ENTREP2: variants seen among roughly 807,000 people sequenced by gnomAD.
ENTREP2 encodes the protein protein ENTREP2.
chr15:29,429,695 T>A, the ENTREP2 span, among the ~76,000 whole-genome samples: 1 of 152,198 alleles, frequency 6.6e-6, no homozygotes, highest in Non-Finnish European at 1.5e-5. Flanking sequence ...AATTCGTCTG[T>A]GGTTGAAATC....
At chr15:29,533,832 G>A in the ENTREP2 span, among the ~76,000 whole-genome samples, 1 of 152,068 alleles carries the variant, frequency 6.6e-6, no homozygotes, top group African/African-American at 2.4e-5. Context: ...TGGAAAGGAA[G>A]AAGGGAAATA....
chr15:29,370,116 A>G, the ENTREP2 span, among the ~76,000 whole-genome samples: 1 of 152,252 alleles, frequency 6.6e-6, no homozygotes, highest in Non-Finnish European at 1.5e-5. Context: ...ACAGAAAACA[A>G]ATAGCATACT....
At chr15:29,314,311 G>A in the ENTREP2 span, among the ~76,000 whole-genome samples, 30 of 152,248 alleles carry the variant, frequency 2.0e-4, no homozygotes, top group African/African-American at 7.0e-4. Context: ...TGCATGCTAC[G>A]GACAAATCTT....
the ENTREP2 span, among the ~76,000 whole-genome samples, chr15:29,566,150 T>A: frequency 6.6e-6 from 1 of 151,770 alleles, no homozygotes; most frequent in East Asian, 2.0e-4. Flanking sequence ...GTATATATAT[T>A]TTTTGTTTGT....
chr15:29,399,910 C>CAGG, the ENTREP2 span, among the ~76,000 whole-genome samples: 2 of 151,920 alleles, frequency 1.3e-5, no homozygotes, highest in Non-Finnish European at 2.9e-5. Flanking sequence ...TGAGTAGGCT[C>CAGG]AGGAGGAGGA....
chr15:29,417,682 TA>T, the ENTREP2 span, among the ~76,000 whole-genome samples: 232 of 151,932 alleles, frequency 1.5e-3, no homozygotes, highest in Non-Finnish European at 2.4e-3. Context: ...ATAATCTACG[TA>T]AAAAAAGAAA....
At chr15:29,360,774 G>A in the ENTREP2 span, among the ~76,000 whole-genome samples, 1 of 152,152 alleles carries the variant, frequency 6.6e-6, no homozygotes, top group South Asian at 2.1e-4. Flanking sequence ...TATTCAGTGT[G>A]GGGGCAAAAA....
the ENTREP2 span, among the ~76,000 whole-genome samples, chr15:29,444,849 T>C: frequency 6.6e-6 from 1 of 152,154 alleles, no homozygotes; most frequent in African/African-American, 2.4e-5. Context: ...CCACAGTCCC[T>C]GGAGGGGGGC....
chr15:29,410,610 G>A, the ENTREP2 span, among the ~76,000 whole-genome samples: 1 of 152,140 alleles, frequency 6.6e-6, no homozygotes, highest in African/African-American at 2.4e-5. Flanking sequence ...CTTCCTGACT[G>A]TGCTCTGCGC....
the ENTREP2 span, among the ~76,000 whole-genome samples, chr15:29,344,931 G>C: frequency 9.8e-5 from 14 of 142,602 alleles, no homozygotes; most frequent in African/African-American, 1.5e-4. Flanking sequence ...CACGCGCGCA[G>C]ACACACACAC....
chr15:29,375,627 C>A, the ENTREP2 span: 1 of 152,174 alleles, frequency 6.6e-6, no homozygotes, highest in East Asian at 1.9e-4. Flanking sequence ...GAAATAAATA[C>A]GCGAGAGGAA....
chr15:29,157,313 C>T, the ENTREP2 span, among the ~76,000 whole-genome samples: 1 of 152,128 alleles, frequency 6.6e-6, no homozygotes, highest in Non-Finnish European at 1.5e-5. Flanking sequence ...TATCTGCGGG[C>T]CCCTGTGTGT....
the ENTREP2 span, among the ~76,000 whole-genome samples, chr15:29,249,803 T>C: frequency 1.3e-5 from 2 of 152,212 alleles, no homozygotes; most frequent in South Asian, 2.1e-4. Flanking sequence ...GGAAGCATGA[T>C]GCCAGCATCT....
chr15:29,612,940 G>A, the ENTREP2 span: 1 of 152,196 alleles, frequency 6.6e-6, no homozygotes, highest in Admixed American at 6.5e-5. Context: ...GCTGAAATCA[G>A]TTGAAACCAA....
At chr15:29,418,389 C>T in the ENTREP2 span, among the ~76,000 whole-genome samples, 1 of 152,120 alleles carries the variant, frequency 6.6e-6, no homozygotes, top group Non-Finnish European at 1.5e-5. Context: ...GCTCATCTAT[C>T]ACCACACCCT....
the ENTREP2 span, among the ~76,000 whole-genome samples, chr15:29,539,061 G>A: frequency 0.042 from 6,424 of 152,222 alleles, 468 homozygotes; most frequent in African/African-American, 0.15. Context: ...GATATGACAA[G>A]GGGTGGTGAG....
At chr15:29,274,225 C>G in the ENTREP2 span, among the ~76,000 whole-genome samples, 3 of 152,160 alleles carry the variant, frequency 2.0e-5, no homozygotes, top group Admixed American at 2.0e-4. Flanking sequence ...AGGTGGTTTA[C>G]AGGTATGACT....
At chr15:29,246,392 C>CA in the ENTREP2 span, among the ~76,000 whole-genome samples, 1,902 of 90,512 alleles carry the variant, frequency 0.021, 26 homozygotes, top group Non-Finnish European at 0.025. Flanking sequence ...ACCCTGTTTC[C>CA]AAAAAAAAAA....
At chr15:29,626,497 CTG>C in the ENTREP2 span, among the ~76,000 whole-genome samples, 3 of 152,194 alleles carry the variant, frequency 2.0e-5, no homozygotes, top group Non-Finnish European at 4.4e-5. Flanking sequence ...CCATGTGGAA[CTG>C]TGAGTTCATT....
Sources: gnomAD v4.1 joint callset for allele counts (sites outside exome capture counted in the v4.1 genomes callset) on GRCh38, gnomAD v4.1.1 for gene constraint, MANE v1.5 for transcripts, NCBI Gene and HGNC (gene_info 2026-07-23, HGNC 2026-07-21) for gene names.